The following DTWD1 variants were observed in gnomAD, a reference collection of about 807,000 sequenced individuals.
The protein encoded by DTWD1 is tRNA-uridine aminocarboxypropyltransferase 1.
A neutral mutation model predicts 30.2 loss-of-function variants in DTWD1; 27 were observed. The ratio of observed to expected loss-of-function variants is 0.90; its 90% CI spans 0.66 to 1.23. The LOEUF (loss-of-function observed/expected upper bound fraction) is 1.23. Ranked by LOEUF, DTWD1 falls within the 50% of genes most tolerant of loss-of-function variation. The pLI is 0.00. For synonymous variants in DTWD1, 99 were observed against 113.1 expected (o/e 0.88, Z 0.79); for missense variants, 342 against 348.8 (o/e 0.98, Z 0.15).
Position 49,653,784 on chromosome 15 carries a change from G to T in DTWD1, c.*10206G>T, listed in dbSNP as rs1334371745. On this transcript the variant is annotated 3_prime_UTR_variant, in exon 5 of 5. Transcript: ENST00000403028. ...GGCTGCATCTCATAATGTACAGGAA[G>T]ACATTTACTGAGTGAACTAAAGAAG... 1 of 152,082 alleles carries T rather than the reference G, an allele frequency of 6.6e-6. No individual in the cohort carries two copies. Among genetic ancestry groups the T allele is most frequent in the Non-Finnish European group, 1.5e-5 (1 of 67,996 alleles). 9.4% of individuals were successfully genotyped at this position (152,082 alleles called of 1,614,324 possible).
chr15:49,643,241 AATC>A, intron 4 of DTWD1, 87 bp from the exon 5 acceptor site: 2 of 1,337,960 alleles, frequency 1.5e-6, no homozygotes, highest in South Asian at 3.6e-5. Context: ...AATTAAGAGA[AATC>A]ATTATTATTG....
chr15:49,643,011 G>A (rs1350644458), intron 4 of DTWD1, among the ~76,000 whole-genome samples: 2 of 152,088 alleles, frequency 1.3e-5, no homozygotes, highest in Admixed American at 6.6e-5. Flanking sequence ...TTAGATTTTT[G>A]AAGATGCTGA....
rs2079088128 is a variant in DTWD1, at chr15:49,643,322, T to TC, written c.668-9_668-8insC. The TC allele has an allele frequency of 6.8e-7, 1 of 1,470,098 alleles. No individual in the cohort carries two copies. Among genetic ancestry groups the TC allele is most frequent in the Admixed American group, 3.1e-5 (1 of 32,774 alleles). 91.1% of individuals were successfully genotyped at this position (1,470,098 alleles called of 1,614,324 possible). A position where few individuals can be genotyped will look rare whatever the true frequency, so the allele number is the denominator to read the frequency against. ...TCTTTCTTTCTTTTTTTTTTTTTTT[T>TC]TTTGACAGGGTTGTTACAAGTTGAG... On this transcript the variant is annotated splice_polypyrimidine_tract_variant and intron_variant, in intron 4 of 4. Coordinates refer to ENST00000403028, the MANE Select transcript of DTWD1 (RefSeq NM_001144955.2).
In DTWD1 at chr15:49,643,292, T is replaced by C. The variant is rs1049601275; in HGVS notation, c.668-39T>C. 5.6e-6 allele frequency: 8 copies of C among 1,433,968 alleles called. No homozygotes were observed. In the African/African-American group the frequency reaches 1.3e-4, roughly 23 times the overall value. 88.8% of individuals were successfully genotyped at this position (1,433,968 alleles called of 1,614,324 possible). A position where few individuals can be genotyped will look rare whatever the true frequency, so the allele number is the denominator to read the frequency against. On this transcript the variant is annotated intron_variant, in intron 4 of 4. Transcript: ENST00000403028. ...GGTTAAGAAGAAATATTTATATTTTTTCTTTCTTTCTTTCTTTTTTTTTTT... is the reference window on the plus strand; with the variant it reads ...GGTTAAGAAGAAATATTTATATTTTCTCTTTCTTTCTTTCTTTTTTTTTTT...
rs985549657 is a variant in DTWD1 at position 49,654,651 on chromosome 15, T to C, written c.*11073T>C. 3 of 151,720 alleles carry C rather than the reference T, an allele frequency of 2.0e-5. No individual in the cohort carries two copies. Among genetic ancestry groups the C allele is most frequent in the Non-Finnish European group, 4.4e-5 (3 of 67,926 alleles). 9.4% of individuals were successfully genotyped at this position (151,720 alleles called of 1,614,324 possible). On this transcript the variant is annotated 3_prime_UTR_variant, in exon 5 of 5. Coordinates refer to ENST00000403028, the MANE Select transcript of DTWD1 (RefSeq NM_001144955.2). ...CTAGTATAACAGAAATATCATAGAT[T>C]GAGTGACTTTTTTTCTTTAAAAAAA...
rs1202455379 is a variant in DTWD1, at chr15:49,648,226, A to G, written c.*4648A>G. The G allele has an allele frequency of 6.6e-6, 1 of 152,172 alleles. No homozygotes were observed. The highest frequency in any genetic ancestry group is 6.5e-5 in the Admixed American group (1 of 15,282). The allele number at this position is 152,172 out of a possible 1,614,324, so 9.4% of individuals were successfully genotyped here. Reference sequence around the variant, plus strand: ...ATACACTGTATATTAAGCTCTATATACACTGCATATCATCATCATGACATT... The same window carrying G: ...ATACACTGTATATTAAGCTCTATATGCACTGCATATCATCATCATGACATT... On this transcript the variant is annotated 3_prime_UTR_variant, in exon 5 of 5. Transcript: ENST00000403028.
At chr15:49,634,498 A>T in intron 3 of DTWD1, 38 bp from the exon 4 acceptor site, 1 of 1,536,010 alleles carries the variant, frequency 6.5e-7, no homozygotes, top group South Asian at 1.3e-5. Flanking sequence ...TTTGAAGATC[A>T]TAGTAGCACA....
At position 49,653,593 on chromosome 15, in the gene DTWD1, A is replaced by C. The variant is rs1441634268; in HGVS notation, c.*10015A>C. On this transcript the variant is annotated 3_prime_UTR_variant, in exon 5 of 5. Transcript: ENST00000403028. ...CTGGAGGATGGGAAGGCAGTAAATAAATTATTGAATTATTGAAATAAATGG... is the reference window on the plus strand; with the variant it reads ...CTGGAGGATGGGAAGGCAGTAAATACATTATTGAATTATTGAAATAAATGG... 6.6e-6 allele frequency: 1 copy of C among 152,152 alleles called. No homozygotes were observed. The highest frequency in any genetic ancestry group is 1.5e-5 in the Non-Finnish European group (1 of 68,022). The allele number at this position is 152,152 out of a possible 1,614,324, so 9.4% of individuals were successfully genotyped here.
intron 1 of DTWD1, among the ~76,000 whole-genome samples, chr15:49,621,780 G>GTC (rs1245374406): frequency 1.8e-4 from 28 of 152,134 alleles, no homozygotes; most frequent in Admixed American, 1.8e-3. Context: ...GGGTGGTGTG[G>GTC]GAGAGGCCAT....
At chr15:49,642,122 C>G (rs2079072653) in intron 4 of DTWD1, among the ~76,000 whole-genome samples, 1 of 152,024 alleles carries the variant, frequency 6.6e-6, no homozygotes, top group African/African-American at 2.4e-5. Context: ...TTATTTATTT[C>G]TTGTCTCTGC....
chr15:49,630,912 TTGTGAAC>T, intron 2 of DTWD1: 1 of 344,822 alleles, frequency 2.9e-6, no homozygotes, highest in Non-Finnish European at 6.0e-6. Context: ...ATGAACCCTA[TTGTGAAC>T]TGTGCATACA....
chr15:49,638,913 C>G (rs569199279), intron 4 of DTWD1, among the ~76,000 whole-genome samples: 2 of 152,178 alleles, frequency 1.3e-5, no homozygotes, highest in Non-Finnish European at 1.5e-5. Context: ...TCATAGGAAG[C>G]CTTGGCAGAA....
At chr15:49,636,058 G>A (rs530282522) in intron 4 of DTWD1, among the ~76,000 whole-genome samples, 2 of 152,110 alleles carry the variant, frequency 1.3e-5, no homozygotes, top group East Asian at 3.9e-4. Context: ...TAGATTAGAT[G>A]CATTTTCTGG....
intron 3 of DTWD1, among the ~76,000 whole-genome samples, chr15:49,632,778 T>G (rs985848789): frequency 1.3e-5 from 2 of 152,176 alleles, no homozygotes; most frequent in African/African-American, 2.4e-5. Context: ...TCAGAGGCCT[T>G]CCTTGCTCAT....
At chr15:49,637,984 A>G (rs16962676) in intron 4 of DTWD1, among the ~76,000 whole-genome samples, 9,081 of 152,206 alleles carry the variant, frequency 0.06, 704 homozygotes, top group African/African-American at 0.18. Context: ...GGAGCATAAG[A>G]TCTTTAAGAA....
intron 2 of DTWD1, among the ~76,000 whole-genome samples, chr15:49,628,117 A>G (rs768553073): frequency 6.6e-6 from 1 of 152,060 alleles, no homozygotes; most frequent in Non-Finnish European, 1.5e-5. Context: ...AAACCAAGAC[A>G]CAAACACGTT....
rs2079163937 is a variant in DTWD1, at chr15:49,653,488, A to G, written c.*9910A>G. ...CTTCTACAGAACTATATAAGAATAA[A>G]TTGTGTTGCTTAAGCACACTATAAT... On this transcript the variant is annotated 3_prime_UTR_variant, in exon 5 of 5. Transcript: ENST00000403028. The G allele has an allele frequency of 1.3e-5, 2 of 152,168 alleles. No individual in the cohort carries two copies. Among genetic ancestry groups the G allele is most frequent in the South Asian group, 2.1e-4 (1 of 4,832 alleles). The allele number at this position is 152,168 out of a possible 1,614,324, so 9.4% of individuals were successfully genotyped here.
chr15:49,643,283 T>G, intron 4 of DTWD1, 48 bp from the exon 5 acceptor site: 1 of 1,452,402 alleles, frequency 6.9e-7, no homozygotes, highest in Non-Finnish European at 9.1e-7. Flanking sequence ...GAAGAAATAT[T>G]TATATTTTTT....
At chr15:49,634,843 GA>G in intron 4 of DTWD1, 49 bp downstream of exon 4, 2 of 1,497,088 alleles carry the variant, frequency 1.3e-6, no homozygotes, top group Non-Finnish European at 1.8e-6. Flanking sequence ...GACTTATTTT[GA>G]AAAAACTTCA....
Sources: gnomAD v4.1 joint callset for allele counts (sites outside exome capture counted in the v4.1 genomes callset) on GRCh38, gnomAD v4.1.1 for gene constraint, MANE v1.5 for transcripts, NCBI Gene and HGNC (gene_info 2026-07-23, HGNC 2026-07-21) for gene names.